Variants in SLC39A10 observed in about 807,000 individuals in gnomAD.
The protein encoded by SLC39A10 is solute carrier family 39 member 10.
SLC39A10 carries 13 observed loss-of-function variants against 65.1 expected under a neutral mutation model. The ratio of observed to expected loss-of-function variants is 0.20; its 90% CI spans 0.13 to 0.32. The LOEUF (loss-of-function observed/expected upper bound fraction) is 0.32. Among genes scored for constraint, SLC39A10 ranks in the 10% least tolerant of loss-of-function variants. The probability of loss-of-function intolerance (pLI) is 1.00; values close to 1 mark genes in which losing one functional copy is unlikely to be tolerated. For missense variants in SLC39A10, 831 were observed against 1,018.4 expected (o/e 0.82, Z 2.50); for synonymous variants, 321 against 342.2 (o/e 0.94, Z 0.68).
chr2:195,730,919 G>A (rs1465908485), intron 9 of SLC39A10, among the ~76,000 whole-genome samples: 1 of 152,084 alleles, frequency 6.6e-6, no homozygotes, highest in African/African-American at 2.4e-5. Context: ...CATCTTGTTT[G>A]CCAGAAAGTC....
In SLC39A10 at chr2:195,736,775, G is replaced by T. The variant is rs1692625295; in HGVS notation, c.*1734G>T. 6.6e-6 allele frequency: 1 copy of T among 152,512 alleles called. No individual in the cohort carries two copies. The highest frequency in any genetic ancestry group is 1.5e-5 in the Non-Finnish European group (1 of 68,010). 9.4% of individuals were successfully genotyped at this position (152,512 alleles called of 1,614,324 possible). A position where few individuals can be genotyped will look rare whatever the true frequency, so the allele number is the denominator to read the frequency against. On this transcript the variant is annotated 3_prime_UTR_variant, in exon 10 of 10. Coordinates refer to ENST00000359634, the MANE Select transcript of SLC39A10 (RefSeq NM_020342.3). ...TTATATATAATTAATTTTCAGCATT[G>T]GGCACTGAATTAGGACAGTCCTCAT...
intron 3 of SLC39A10, among the ~76,000 whole-genome samples, chr2:195,702,540 G>C (rs1401896312): frequency 6.6e-6 from 1 of 152,148 alleles, no homozygotes; most frequent in Non-Finnish European, 1.5e-5. Flanking sequence ...CAGTTTAGGA[G>C]GCATACAGAT....
At chr2:195,616,058 C>A (rs1688200815) in intron 2 of SLC39A10, among the ~76,000 whole-genome samples, 1 of 152,120 alleles carries the variant, frequency 6.6e-6, no homozygotes, top group Non-Finnish European at 1.5e-5. Flanking sequence ...TGGGTGCAAG[C>A]GATTCTCCTG....
At position 195,737,696 on chromosome 2, in the gene SLC39A10, G is replaced by A. The variant is rs1187658266; in HGVS notation, c.*2655G>A. On this transcript the variant is annotated 3_prime_UTR_variant, in exon 10 of 10. Transcript: ENST00000359634. ...TCCAAAATAAAGTTACTCAAAGAGA[G>A]CAAATATGCCAGTGTGTTTTCTTTA... 9.3e-6 allele frequency: 4 copies of A among 430,802 alleles called. No homozygotes were observed. In the Admixed American group the frequency reaches 1.1e-4, roughly 12 times the overall value. The allele number at this position is 430,802 out of a possible 1,614,324, so 26.7% of individuals were successfully genotyped here.
At chr2:195,724,232 G>C (rs1007378081) in intron 8 of SLC39A10, among the ~76,000 whole-genome samples, 1 of 152,052 alleles carries the variant, frequency 6.6e-6, no homozygotes, top group African/African-American at 2.4e-5. Flanking sequence ...AACAGCTTTG[G>C]CAGGCACACC....
chr2:195,618,218 G>T (rs1688267867), intron 2 of SLC39A10, among the ~76,000 whole-genome samples: 1 of 152,006 alleles, frequency 6.6e-6, no homozygotes, highest in Non-Finnish European at 1.5e-5. Context: ...GGGCATGGTG[G>T]CACATGCCTG....
upstream of SLC39A10, among the ~76,000 whole-genome samples, chr2:195,655,149 G>A (rs566495960): frequency 2.6e-5 from 4 of 152,318 alleles, no homozygotes; most frequent in African/African-American, 7.2e-5. Context: ...CTCTATCTTA[G>A]CCAGGTATTA....
chr2:195,680,915 T>C lies in SLC39A10; in HGVS notation c.873T>C (p.Gly291=), dbSNP rs776171849. Residue 291 remains glycine (G), a synonymous_variant, in exon 2 of 10, where the codon GGT becomes GGC. Coordinates refer to ENST00000359634, the MANE Select transcript of SLC39A10 (RefSeq NM_020342.3). ...CAGAACGTAATGGTCATGATCCTGG[T>C]CGTGGACACCAAGATCTTGATCCTG... The part of the protein sequence containing the change: ...HLPERNGHDP[G]RGHQDLDPDN... 6.2e-7 allele frequency: 1 copy of C among 1,614,084 alleles called. No homozygotes were observed. The highest frequency in any genetic ancestry group is 1.1e-5 in the South Asian group (1 of 91,070).
Position 195,728,242 on chromosome 2 carries a change from A to G in SLC39A10, c.2230A>G (p.Ile744Val). ...YNLLSAMMAYIGMLIGTAVGQ... is the reference protein window; with the variant it reads ...YNLLSAMMAYVGMLIGTAVGQ... ...CCTCCTCTCTGCCATGATGGCTTAC[A>G]TAGGCATGCTCATAGGCACAGCTGT... The change falls in exon 9 of 10, where the codon ATA becomes GTA. Residue 744 changes from isoleucine (I) to valine (V), a missense_variant. Physicochemically the swap from Ile to Val is conservative, Grantham distance 29. Coordinates refer to ENST00000359634, the MANE Select transcript of SLC39A10 (RefSeq NM_020342.3). This position sits in a 1 kb window ranked among gnomAD's most constrained non-coding sequence, Gnocchi z 4.4. 1 of 1,614,082 alleles carries G rather than the reference A, an allele frequency of 6.2e-7. No individual in the cohort carries two copies. The highest frequency in any genetic ancestry group is 8.5e-7 in the Non-Finnish European group (1 of 1,179,922).
At chr2:195,711,801 G>A (rs1014912184) in intron 5 of SLC39A10, among the ~76,000 whole-genome samples, 1 of 152,150 alleles carries the variant, frequency 6.6e-6, no homozygotes, top group Non-Finnish European at 1.5e-5. Flanking sequence ...CTCAGCTGGT[G>A]TTTTCATTTT....
At chr2:195,713,756 C>T (rs556701081) in intron 6 of SLC39A10, among the ~76,000 whole-genome samples, 1 of 152,068 alleles carries the variant, frequency 6.6e-6, no homozygotes, top group Admixed American at 6.5e-5. Context: ...AGATGCAAAG[C>T]CAACTTGGGA....
At chr2:195,652,415 G>C (rs1037610850), upstream of SLC39A10, among the ~76,000 whole-genome samples, 1 of 151,950 alleles carries the variant, frequency 6.6e-6, no homozygotes, top group Non-Finnish European at 1.5e-5. Flanking sequence ...TGGGCGTGGT[G>C]GTAGGTGCCT....
At chr2:195,651,234 A>C (rs540400510) in intron 2 of SLC39A10, among the ~76,000 whole-genome samples, 44 of 152,240 alleles carry the variant, frequency 2.9e-4, no homozygotes, top group Non-Finnish European at 5.0e-4. Flanking sequence ...GGATCAGAAA[A>C]AGACTACCGC....
chr2:195,726,880 G>A (rs1218925801), intron 8 of SLC39A10, among the ~76,000 whole-genome samples: 1 of 152,152 alleles, frequency 6.6e-6, no homozygotes, highest in Non-Finnish European at 1.5e-5. Flanking sequence ...CCTTGCATAT[G>A]CTGAGTGTTC....
intron 3 of SLC39A10, among the ~76,000 whole-genome samples, chr2:195,694,758 G>C (rs758580724): frequency 6.6e-6 from 1 of 152,226 alleles, no homozygotes; most frequent in Non-Finnish European, 1.5e-5. Context: ...TTTCAAGAGT[G>C]CATCAGCTGC....
chr2:195,621,701 T>C (rs2105687317), intron 2 of SLC39A10, among the ~76,000 whole-genome samples: 1 of 152,376 alleles, frequency 6.6e-6, no homozygotes, highest in South Asian at 2.1e-4. Flanking sequence ...GAATTTTCAC[T>C]AATTCAGAGA....
At position 195,681,395 on chromosome 2, in the gene SLC39A10, G is replaced by A. The variant is rs1049503591; in HGVS notation, c.1008+345G>A. Reference sequence around the variant, plus strand: ...CAAAAAATTAGCGGGGCATGGTGGCGGGCGCCTGTAGCCCCAGCTACTCGG... The same window carrying A: ...CAAAAAATTAGCGGGGCATGGTGGCAGGCGCCTGTAGCCCCAGCTACTCGG... On this transcript the variant is annotated intron_variant, in intron 2 of 9. Coordinates refer to ENST00000359634, the MANE Select transcript of SLC39A10 (RefSeq NM_020342.3). Among the ~76,000 whole-genome samples the A allele has an allele frequency of 1.7e-4, 26 of 152,100 alleles. 1 individual carries two copies. Among genetic ancestry groups the A allele is most frequent in the African/African-American group, 5.5e-4 (23 of 41,504 alleles).
At chr2:195,630,674 T>C (rs986589506) in intron 2 of SLC39A10, among the ~76,000 whole-genome samples, 1 of 152,184 alleles carries the variant, frequency 6.6e-6, no homozygotes, top group Non-Finnish European at 1.5e-5. Flanking sequence ...CCGGGAACCA[T>C]GGACGAAAAC....
chr2:195,695,285 G>C (rs1232544867), intron 3 of SLC39A10, among the ~76,000 whole-genome samples: 1 of 152,182 alleles, frequency 6.6e-6, no homozygotes, highest in East Asian at 1.9e-4. Flanking sequence ...TGGCCGCTGT[G>C]GGGGATGGGG....
Sources: gnomAD v4.1 joint callset for allele counts (sites outside exome capture counted in the v4.1 genomes callset) on GRCh38, gnomAD v4.1.1 for gene constraint, Gnocchi (gnomAD v3.1) non-coding constraint, MANE v1.5 for transcripts, NCBI Gene and HGNC (gene_info 2026-07-23, HGNC 2026-07-21) for gene names.